IFT43: variants seen among roughly 807,000 people sequenced by gnomAD.
IFT43 encodes intraflagellar transport protein 43 homolog.
Under a neutral mutation model 32.3 loss-of-function variants are expected in IFT43, and 33 were observed. The ratio of observed to expected loss-of-function variants is 1.02; its 90% confidence interval spans 0.77 to 1.37. The LOEUF is 1.37. Ranked by LOEUF, IFT43 falls within the 40% of genes most tolerant of loss-of-function variation. The pLI, the probability that IFT43 is intolerant of heterozygous loss-of-function variation, is 0.00. For synonymous variants in IFT43, 93 were observed against 98.2 expected, an observed-to-expected ratio of 0.95 and a Z score of 0.31; for missense variants, 274 against 265.9, an observed-to-expected ratio of 1.03 and a Z score of -0.21.
Position 76,004,234 on chromosome 14 carries a change from A to G in IFT43, c.147+15257A>G, listed in dbSNP as rs377229568. ...GCATTTCTGGTAGCACAGATTTGCCAAGAACAACTTCTCTATCTAGTTTAT... is the reference window on the plus strand; with the variant it reads ...GCATTTCTGGTAGCACAGATTTGCCGAGAACAACTTCTCTATCTAGTTTAT... On this transcript the variant is annotated intron_variant, in intron 2 of 8. Coordinates refer to ENST00000314067, the MANE Select transcript of IFT43 (RefSeq NM_001102564.3). Among the ~76,000 whole-genome samples the G allele has an allele frequency of 1.2e-3, 188 of 152,340 alleles. 5 individuals carry two copies. The South Asian group carries it at 0.037, about 30-fold the overall frequency.
At chr14:76,037,854 A>G (rs1287833292) in intron 3 of IFT43, among the ~76,000 whole-genome samples, 1 of 152,202 alleles carries the variant, frequency 6.6e-6, no homozygotes. Flanking sequence ...TGCTCCATAC[A>G]TATTTGATCA....
intron 2 of IFT43, among the ~76,000 whole-genome samples, chr14:76,018,648 G>T (rs1008400423): frequency 2.0e-5 from 3 of 152,124 alleles, no homozygotes; most frequent in African/African-American, 7.2e-5. Context: ...ACAGTTGGAT[G>T]TTGAAGTCAC....
At chr14:76,043,720 G>A (rs1205146442) in intron 3 of IFT43, among the ~76,000 whole-genome samples, 2 of 152,228 alleles carry the variant, frequency 1.3e-5, no homozygotes, top group Non-Finnish European at 2.9e-5. Flanking sequence ...ATGTATAGAA[G>A]TTTTTCTCCA....
intron 5 of IFT43, among the ~76,000 whole-genome samples, chr14:76,072,487 T>C (rs1354548523): frequency 6.6e-6 from 1 of 152,186 alleles, no homozygotes; most frequent in African/African-American, 2.4e-5. Flanking sequence ...ACAAGGTTGA[T>C]AGTAGTAACG....
intron 5 of IFT43, among the ~76,000 whole-genome samples, chr14:76,076,051 G>T (rs1469227666): frequency 1.3e-5 from 2 of 152,344 alleles, no homozygotes; most frequent in South Asian, 2.1e-4. Context: ...CTTTCATGTG[G>T]ATTGGTTGTT....
intron 5 of IFT43, among the ~76,000 whole-genome samples, chr14:76,066,323 G>C (rs1432705058): frequency 6.6e-6 from 1 of 152,210 alleles, no homozygotes; most frequent in Admixed American, 6.5e-5. Context: ...TCTTGTCAGA[G>C]AGCGCTCCTG....
At chr14:75,999,277 ATATATT>A (rs1566699760) in intron 2 of IFT43, among the ~76,000 whole-genome samples, 13 of 18,704 alleles carry the variant, frequency 7.0e-4, no homozygotes, top group East Asian at 5.8e-3. Flanking sequence ...ATATATGTAT[ATATATT>A]TTTTTTTTTT....
intron 2 of IFT43, among the ~76,000 whole-genome samples, chr14:76,021,923 T>G (rs78193222): frequency 0.014 from 2,137 of 152,320 alleles, 57 homozygotes; most frequent in African/African-American, 0.045. Flanking sequence ...TTGATTGGTG[T>G]AGGTGACCTT....
intron 2 of IFT43, among the ~76,000 whole-genome samples, chr14:76,015,349 C>T (rs2036167985): frequency 1.3e-5 from 2 of 152,154 alleles, no homozygotes; most frequent in Non-Finnish European, 2.9e-5. Flanking sequence ...CCTGTCCCTC[C>T]TCCTCTCCCC....
intron 3 of IFT43, among the ~76,000 whole-genome samples, chr14:76,046,638 G>A (rs985462120): frequency 6.6e-6 from 1 of 152,202 alleles, no homozygotes; most frequent in African/African-American, 2.4e-5. Context: ...ACTGTTCACC[G>A]AGCACTTCCT....
chr14:76,078,743 G>A lies in IFT43; in HGVS notation c.296-3552G>A, dbSNP rs374413830. Among the ~76,000 whole-genome samples, 181 of 152,322 alleles carry A rather than the reference G, an allele frequency of 1.2e-3. 4 individuals carry two copies. The South Asian group carries it at 0.035, about 29-fold the overall frequency. Reference sequence around the variant, plus strand: ...CCGTGTGACGGTGGCACTGCCTGCCGGGGAAGCTGGGGATACCGGCTCCCA... The same window carrying A: ...CCGTGTGACGGTGGCACTGCCTGCCAGGGAAGCTGGGGATACCGGCTCCCA... On this transcript the variant is annotated intron_variant, in intron 5 of 8. Transcript: ENST00000314067.
At chr14:76,047,907 C>G (rs1357076162) in intron 3 of IFT43, among the ~76,000 whole-genome samples, 4 of 151,956 alleles carry the variant, frequency 2.6e-5, no homozygotes, top group African/African-American at 4.8e-5. Flanking sequence ...CAAGGGGAGG[C>G]AGGGTTGGTG....
At chr14:76,072,227 C>T (rs1239802221) in intron 5 of IFT43, among the ~76,000 whole-genome samples, 2 of 152,186 alleles carry the variant, frequency 1.3e-5, no homozygotes, top group Non-Finnish European at 1.5e-5. Flanking sequence ...CGTGCTAAAT[C>T]CTCCAGAGGG....
At chr14:76,046,390 T>A (rs972744217) in intron 3 of IFT43, among the ~76,000 whole-genome samples, 2 of 151,780 alleles carry the variant, frequency 1.3e-5, no homozygotes, top group Non-Finnish European at 2.9e-5. Flanking sequence ...CCAGTGAGGG[T>A]GGCCTGGATA....
chr14:76,013,303 G>A (rs1222921588), intron 2 of IFT43, among the ~76,000 whole-genome samples: 2 of 152,216 alleles, frequency 1.3e-5, no homozygotes. Flanking sequence ...GGAAAGATGT[G>A]TGAATAAAGG....
At chr14:75,999,264 TATATATATG>T (rs2035828036) in intron 2 of IFT43, among the ~76,000 whole-genome samples, 18 of 26,124 alleles carry the variant, frequency 6.9e-4, no homozygotes, top group Non-Finnish European at 9.7e-4. Flanking sequence ...TATATATATA[TATATATATG>T]TATATATATT....
At chr14:76,016,621 A>G (rs2036193286) in intron 2 of IFT43, among the ~76,000 whole-genome samples, 1 of 152,134 alleles carries the variant, frequency 6.6e-6, no homozygotes, top group Non-Finnish European at 1.5e-5. Context: ...ATAGAATTGT[A>G]TTGAACCTGT....
intron 2 of IFT43, among the ~76,000 whole-genome samples, chr14:76,017,365 G>A (rs1041558721): frequency 6.6e-6 from 1 of 152,064 alleles, no homozygotes; most frequent in East Asian, 1.9e-4. Context: ...TGATTTGCTT[G>A]TGTTGAACCC....
intron 2 of IFT43, among the ~76,000 whole-genome samples, chr14:76,011,658 A>G (rs1250431324): frequency 2.0e-5 from 3 of 152,208 alleles, no homozygotes; most frequent in Non-Finnish European, 4.4e-5. Flanking sequence ...TCTTATACGT[A>G]AAATAGACTT....
Sources: gnomAD v4.1 joint callset for allele counts (sites outside exome capture counted in the v4.1 genomes callset) on GRCh38, gnomAD v4.1.1 for gene constraint, MANE v1.5 for transcripts, NCBI Gene and HGNC (gene_info 2026-07-23, HGNC 2026-07-21) for gene names.